LARGE1: variants seen among roughly 807,000 people sequenced by gnomAD.
LARGE1 encodes xylosyl- and glucuronyltransferase LARGE1.
A neutral mutation model predicts 87.6 loss-of-function variants in LARGE1; 43 were observed. The ratio of observed to expected loss-of-function variants is 0.49; its 90% CI spans 0.38 to 0.63. The LOEUF (loss-of-function observed/expected upper bound fraction) is 0.63, where lower values mean the gene tolerates loss of function less well. Ranked by LOEUF, LARGE1 falls within the 30% of genes least tolerant of loss-of-function variation. The pLI, the probability that LARGE1 is intolerant of heterozygous loss-of-function variation, is 0.00. For missense variants in LARGE1, 802 were observed against 1,000.2 expected (o/e 0.80, Z 2.67); for synonymous variants, 434 against 394.6 (o/e 1.10, Z -1.18).
At chr22:33,306,830 C>T (rs891012645) in intron 11 of LARGE1, among the ~76,000 whole-genome samples, 1 of 144,682 alleles carries the variant, frequency 6.9e-6, no homozygotes, top group African/African-American at 2.6e-5. Flanking sequence ...GCTGAGATCG[C>T]ACCATTGCAC....
intron 4 of LARGE1, among the ~76,000 whole-genome samples, chr22:33,614,675 G>A (rs560706602): frequency 1.3e-5 from 2 of 151,916 alleles, no homozygotes; most frequent in Admixed American, 6.6e-5. Flanking sequence ...CCCATCCAAC[G>A]CAGCCCCATC....
intron 1 of LARGE1, among the ~76,000 whole-genome samples, chr22:33,781,823 A>C (rs1170635861): frequency 6.6e-6 from 1 of 152,236 alleles, no homozygotes; most frequent in Non-Finnish European, 1.5e-5. Context: ...ATTTATTTCT[A>C]TATTTAAATA....
chr22:33,500,169 T>C (rs2070360772), intron 6 of LARGE1, among the ~76,000 whole-genome samples: 1 of 152,262 alleles, frequency 6.6e-6, no homozygotes, highest in South Asian at 2.1e-4. Flanking sequence ...TCTGCTTCTA[T>C]GTTTCTTTTT....
At chr22:33,328,528 G>T (rs8137330) in intron 10 of LARGE1, among the ~76,000 whole-genome samples, 1 of 151,484 alleles carries the variant, frequency 6.6e-6, no homozygotes, top group Non-Finnish European at 1.5e-5. Context: ...GCAGTGAGCC[G>T]ACATTGTGCC....
In LARGE1 at chr22:33,604,427, G is replaced by A. The variant is rs587783731; in HGVS notation, c.615+8C>T. 3.8e-5 allele frequency: 61 copies of A among 1,613,824 alleles called. No individual in the cohort carries two copies. In the Admixed American group the frequency reaches 9.0e-4, roughly 24 times the overall value. On this transcript the variant is annotated splice_region_variant and intron_variant, in intron 5 of 14. Coordinates refer to ENST00000397394, the MANE Select transcript of LARGE1 (RefSeq NM_133642.5). ...AGATCACGGAAGTGCCTCCCCTCCT[G>A]CCCATACCTTGAGCTCGTCTGCATT...
At chr22:33,625,967 A>C (rs2079907585) in intron 4 of LARGE1, among the ~76,000 whole-genome samples, 1 of 152,174 alleles carries the variant, frequency 6.6e-6, no homozygotes. Context: ...TAGGCAGGGG[A>C]AGCTGATAGA....
intron 3 of LARGE1, among the ~76,000 whole-genome samples, chr22:33,644,723 C>CAAA (rs2080552928): frequency 6.6e-6 from 1 of 152,128 alleles, no homozygotes; most frequent in Non-Finnish European, 1.5e-5. Flanking sequence ...TCTCAGGATA[C>CAAA]AAAACCAAGG....
intron 7 of LARGE1, among the ~76,000 whole-genome samples, chr22:33,419,793 C>T (rs770399000): frequency 3.9e-5 from 6 of 152,220 alleles, no homozygotes; most frequent in South Asian, 2.1e-4. Context: ...TGGGTCCGAG[C>T]GATTCTCGTG....
chr22:33,921,770 G>A (rs1335826344), upstream of LARGE1, among the ~76,000 whole-genome samples: 5 of 152,078 alleles, frequency 3.3e-5, no homozygotes, highest in Non-Finnish European at 7.4e-5. This position sits in a 1 kb window ranked among gnomAD's most constrained non-coding sequence, Gnocchi z 4.1. Context: ...CCCTTGAATG[G>A]ACTTCCAGCC....
intron 2 of LARGE1, among the ~76,000 whole-genome samples, chr22:33,674,541 A>G (rs2081508164): frequency 1.3e-5 from 2 of 152,150 alleles, no homozygotes; most frequent in Non-Finnish European, 2.9e-5. Flanking sequence ...AAGGCCGTGC[A>G]TGCTCAGCCG....
intron 2 of LARGE1, among the ~76,000 whole-genome samples, chr22:33,699,363 T>C (rs1450033418): frequency 1.3e-5 from 2 of 152,118 alleles, no homozygotes; most frequent in Admixed American, 1.3e-4. Context: ...TTTTAACCGC[T>C]ATGAACCAAA....
At chr22:33,608,440 G>C (rs975152739) in intron 4 of LARGE1, among the ~76,000 whole-genome samples, 1 of 152,008 alleles carries the variant, frequency 6.6e-6, no homozygotes, top group African/African-American at 2.4e-5. Context: ...GCACTTCCTC[G>C]TGTCTTTCTT....
intron 1 of LARGE1, among the ~76,000 whole-genome samples, chr22:33,874,991 G>A (rs543257171): frequency 6.6e-6 from 1 of 152,144 alleles, no homozygotes; most frequent in Admixed American, 6.5e-5. Context: ...CTAAGCAGAG[G>A]ATACAGGATT....
In LARGE1 at chr22:33,585,785, G is replaced by A. The variant is rs114314962; in HGVS notation, c.615+18650C>T. Among the ~76,000 whole-genome samples, 866 of 152,322 alleles carry A rather than the reference G, an allele frequency of 5.7e-3. 8 individuals are homozygous for A. The highest frequency in any genetic ancestry group is 0.02 in the African/African-American group (825 of 41,572). Reference sequence around the variant, plus strand: ...ACAGGTAATGCAGGGAGGAATCACTGTAGCTGCACAAAGGGATGTAAAGTG... The same window carrying A: ...ACAGGTAATGCAGGGAGGAATCACTATAGCTGCACAAAGGGATGTAAAGTG... On this transcript the variant is annotated intron_variant, in intron 5 of 14. Coordinates refer to ENST00000397394, the MANE Select transcript of LARGE1 (RefSeq NM_133642.5).
chr22:33,208,574 CT>C (rs58306311), intron 11 of LARGE1, among the ~76,000 whole-genome samples: 8,462 of 148,590 alleles, frequency 0.057, 751 homozygotes, highest in African/African-American at 0.19. Context: ...AAACAAGTCA[CT>C]TTTTTTTTTT....
rs141658042 is a variant in LARGE1, at chr22:33,501,699, C to T, written c.787+63149G>A. 1.5e-3 allele frequency among the ~76,000 whole-genome samples: 225 copies of T among 152,300 alleles called. 1 individual carries two copies. Among genetic ancestry groups the T allele is most frequent in the African/African-American group, 5.2e-3 (217 of 41,566 alleles). ...CCTGGCATCCAGATGGGGCGGCAGG[C>T]GGCCTGGACTATGACTCTCCACTCA... On this transcript the variant is annotated intron_variant, in intron 6 of 14. Coordinates refer to ENST00000397394, the MANE Select transcript of LARGE1 (RefSeq NM_133642.5).
intron 7 of LARGE1, among the ~76,000 whole-genome samples, chr22:33,420,061 G>A (rs961156810): frequency 3.3e-5 from 5 of 152,180 alleles, no homozygotes; most frequent in African/African-American, 9.6e-5. Context: ...TACCCACTAA[G>A]TGCCCGTAGA....
intron 6 of LARGE1, among the ~76,000 whole-genome samples, chr22:33,447,797 G>A (rs1466225079): frequency 6.6e-6 from 1 of 152,106 alleles, no homozygotes; most frequent in Non-Finnish European, 1.5e-5. Flanking sequence ...GGACAGGCTG[G>A]GGAGAGTGGG....
chr22:33,692,429 G>A (rs2082123276), intron 2 of LARGE1, among the ~76,000 whole-genome samples: 1 of 152,202 alleles, frequency 6.6e-6, no homozygotes, highest in African/African-American at 2.4e-5. Context: ...TCCTGCCTCA[G>A]TCTCCTGAGT....
Sources: allele counts gnomAD v4.1 joint callset (sites outside exome capture counted in the v4.1 genomes callset), GRCh38; gene constraint gnomAD v4.1.1; non-coding constraint Gnocchi (gnomAD v3.1); transcripts MANE v1.5; gene names NCBI Gene and HGNC (gene_info 2026-07-23, HGNC 2026-07-21).